RANBP10: variants seen among roughly 807,000 people sequenced by gnomAD.
RANBP10 encodes the protein RAN binding protein 10, also known as ran-binding protein 10.
In RANBP10, 24 loss-of-function variants were observed where a neutral mutation model predicts 72.8. That is an observed-to-expected ratio of 0.33 (90% CI 0.24 to 0.46). The LOEUF is 0.46. Among genes scored for constraint, RANBP10 ranks in the 20% least tolerant of loss-of-function variants. The pLI, the probability that RANBP10 is intolerant of heterozygous loss-of-function variation, is 1.00. For synonymous variants in RANBP10, 310 were observed against 322.3 expected (o/e 0.96, Z 0.41); for missense variants, 679 against 817.5 (o/e 0.83, Z 2.07).
chr16:67,779,523 G>A (rs2054773321), intron 2 of RANBP10, among the ~76,000 whole-genome samples: 1 of 152,236 alleles, frequency 6.6e-6, no homozygotes, highest in East Asian at 1.9e-4. Context: ...TACACATACT[G>A]CAGTATCTTT....
Position 67,729,139 on chromosome 16 carries a change from G to T in RANBP10, c.1352+141C>A. 2.1e-6 allele frequency: 3 copies of T among 1,445,862 alleles called. No homozygotes were observed. Among genetic ancestry groups the T allele is most frequent in the Non-Finnish European group, 2.8e-6 (3 of 1,075,708 alleles). 89.6% of individuals were successfully genotyped at this position (1,445,862 alleles called of 1,614,324 possible). Reference sequence around the variant, plus strand: ...AGAAGCCAGAGCTGATGTCTGGCCCGGTGGGCCAAAAATTAGGACTCCAGG... The same window carrying T: ...AGAAGCCAGAGCTGATGTCTGGCCCTGTGGGCCAAAAATTAGGACTCCAGG... On this transcript the variant is annotated intron_variant, in intron 10 of 13. Transcript: ENST00000317506. This position sits in a 1 kb window ranked among gnomAD's most constrained non-coding sequence, Gnocchi z 7.1.
chr16:67,765,563 G>A (rs1401548906), intron 3 of RANBP10, among the ~76,000 whole-genome samples: 1 of 152,056 alleles, frequency 6.6e-6, no homozygotes, highest in Non-Finnish European at 1.5e-5. Context: ...GGGGCTGGGT[G>A]CAGTGGCTCA....
chr16:67,763,940 T>G (rs2054448638), intron 3 of RANBP10, among the ~76,000 whole-genome samples: 1 of 152,150 alleles, frequency 6.6e-6, no homozygotes, highest in Non-Finnish European at 1.5e-5. Flanking sequence ...CAAATGATTC[T>G]CCTGCCTCGG....
chr16:67,770,434 C>A (rs2054587851), intron 3 of RANBP10, among the ~76,000 whole-genome samples: 3 of 151,806 alleles, frequency 2.0e-5, no homozygotes. Context: ...AGAAATCAGT[C>A]TACTAGAAAA....
chr16:67,762,688 G>C (rs2054422282), intron 3 of RANBP10: 1 of 152,236 alleles, frequency 6.6e-6, no homozygotes. Flanking sequence ...GTGGGGTGAG[G>C]CTGAGCTCCA....
intron 3 of RANBP10, among the ~76,000 whole-genome samples, chr16:67,750,770 T>C (rs1039683471): frequency 2.1e-5 from 3 of 145,122 alleles, no homozygotes; most frequent in South Asian, 2.3e-4. Context: ...TCTTTTTTTT[T>C]TTTTTTTTTT....
At chr16:67,793,653 G>A (rs2055073047) in intron 2 of RANBP10, among the ~76,000 whole-genome samples, 1 of 151,916 alleles carries the variant, frequency 6.6e-6, no homozygotes, top group Non-Finnish European at 1.5e-5. Context: ...TTCAATCGGA[G>A]ACATTATTTA....
intron 2 of RANBP10, among the ~76,000 whole-genome samples, chr16:67,777,613 G>A (rs1352175266): frequency 2.0e-5 from 3 of 152,018 alleles, no homozygotes; most frequent in African/African-American, 7.2e-5. Context: ...TGTTGATGAA[G>A]GAAATTACAG....
At chr16:67,776,627 G>C (rs376020073) in intron 2 of RANBP10, among the ~76,000 whole-genome samples, 5 of 151,336 alleles carry the variant, frequency 3.3e-5, no homozygotes, top group East Asian at 3.9e-4. Flanking sequence ...ACAAAAATTA[G>C]CCGGGCGTGG....
chr16:67,757,635 A>T (rs934122012), intron 3 of RANBP10, among the ~76,000 whole-genome samples: 1 of 152,174 alleles, frequency 6.6e-6, no homozygotes, highest in Non-Finnish European at 1.5e-5. Flanking sequence ...CAACTATCTT[A>T]AAAAATCTGG....
chr16:67,771,949 C>T, intron 3 of RANBP10, 85 bp downstream of exon 3: 1 of 1,502,456 alleles, frequency 6.7e-7, no homozygotes, highest in Non-Finnish European at 9.1e-7. Context: ...ACAAAGTCCT[C>T]CCCAGCCTCT....
chr16:67,801,405 T>C (rs970221604), intron 2 of RANBP10, among the ~76,000 whole-genome samples: 1 of 152,102 alleles, frequency 6.6e-6, no homozygotes, highest in Admixed American at 6.6e-5. Flanking sequence ...AGCATGGACA[T>C]GTGTGTCTAG....
intron 3 of RANBP10, among the ~76,000 whole-genome samples, chr16:67,755,319 G>A (rs992639931): frequency 6.6e-6 from 1 of 152,186 alleles, no homozygotes; most frequent in Non-Finnish European, 1.5e-5. Flanking sequence ...GTGCCTAGAA[G>A]TGAGAGTTGT....
At chr16:67,775,176 G>A (rs2054678608) in intron 2 of RANBP10, among the ~76,000 whole-genome samples, 1 of 152,112 alleles carries the variant, frequency 6.6e-6, no homozygotes, top group East Asian at 1.9e-4. Context: ...GCAGGGTGTG[G>A]TGGCACACGC....
At position 67,801,472 on chromosome 16, in the gene RANBP10, C is replaced by G. The variant is rs111393341; in HGVS notation, c.347+3956G>C. On this transcript the variant is annotated intron_variant, in intron 2 of 13. Transcript: ENST00000317506. ...ACTCCACTGCACACCCTAAGCCCTG[C>G]AGCCAGGGTAGGCCACCAAACATCC... Among the ~76,000 whole-genome samples, 1,463 of 152,270 alleles carry G rather than the reference C, an allele frequency of 9.6e-3. 21 individuals are homozygous for G. The highest frequency in any genetic ancestry group is 0.033 in the African/African-American group (1,367 of 41,540).
Position 67,727,882 on chromosome 16 carries a change from G to A in RANBP10, c.1489C>T (p.Arg497Trp), listed in dbSNP as rs201528107. ...DESSMDDRHP[R>W]RQLCGGNQAA... ...TGGTTGCCCCCGCAGAGCTGCCGCC[G>A]AGGATGCCTGTCATCTGCATCCAGA... The change falls in exon 12 of 14, where the codon CGG (arginine) becomes TGG (tryptophan). Residue 497 changes from arginine (R) to tryptophan (W), a missense_variant. Transcript: ENST00000317506. 55 of 1,613,912 alleles carry A rather than the reference G, an allele frequency of 3.4e-5. No homozygotes were observed. The highest frequency in any genetic ancestry group is 5.3e-5 in the African/African-American group (4 of 74,934).
At chr16:67,771,773 G>A (rs1372062045) in intron 3 of RANBP10, among the ~76,000 whole-genome samples, 2 of 152,188 alleles carry the variant, frequency 1.3e-5, no homozygotes, top group African/African-American at 2.4e-5. Flanking sequence ...ATCCCTACCT[G>A]GAGCAAACTC....
intron 4 of RANBP10, chr16:67,739,712 G>C (rs2053928903): frequency 6.6e-6 from 1 of 152,280 alleles, no homozygotes; most frequent in Admixed American, 6.5e-5. Context: ...GCTGCAGTGA[G>C]CTAGTATGAT....
chr16:67,729,761 G>A lies in RANBP10; in HGVS notation c.1066C>T (p.Pro356Ser). 6.2e-7 allele frequency: 1 copy of A among 1,614,132 alleles called. No individual in the cohort carries two copies. Among genetic ancestry groups the A allele is most frequent in the Non-Finnish European group, 8.5e-7 (1 of 1,180,028 alleles). ...CCAGGGTAGCTGTCCTGGGACTTGG[G>A]GCTTCGGGAGCTCAAACTTCGGACC... ...SEVRSLSSRSPKSQDSYPGSP... is the reference protein window; with the variant it reads ...SEVRSLSSRSSKSQDSYPGSP... The change falls in exon 9 of 14, where the codon CCC becomes TCC. Residue 356 changes from proline to serine, a missense_variant. Physicochemically the swap from Pro to Ser is moderately conservative, Grantham distance 74. Coordinates refer to ENST00000317506, the MANE Select transcript of RANBP10 (RefSeq NM_020850.3). This position sits in a 1 kb window ranked among gnomAD's most constrained non-coding sequence, Gnocchi z 7.1.
Sources: allele counts gnomAD v4.1 joint callset (sites outside exome capture counted in the v4.1 genomes callset), GRCh38; gene constraint gnomAD v4.1.1; non-coding constraint Gnocchi (gnomAD v3.1); transcripts MANE v1.5; gene names NCBI Gene and HGNC (gene_info 2026-07-23, HGNC 2026-07-21).